The following QTGAL variants were observed in gnomAD, a reference collection of about 807,000 sequenced individuals.
QTGAL encodes the protein BGnT-like protein 1.
At chr17:83,020,591 C>T in the QTGAL span, among the ~76,000 whole-genome samples, 1 of 152,362 alleles carries the variant, frequency 6.6e-6, no homozygotes, top group East Asian at 1.9e-4. Flanking sequence ...ACGATGGGGC[C>T]TTGGGGCCCA....
chr17:82,998,988 G>C, the QTGAL span, among the ~76,000 whole-genome samples: 12 of 149,940 alleles, frequency 8.0e-5, no homozygotes, highest in Non-Finnish European at 7.4e-5. Flanking sequence ...ATCATATCAA[G>C]AGTTGGCAAG....
the QTGAL span, among the ~76,000 whole-genome samples, chr17:82,987,838 T>G: frequency 1.3e-5 from 2 of 152,248 alleles, no homozygotes; most frequent in East Asian, 3.8e-4. Context: ...GGGAATAGCA[T>G]TGAATCTATA....
chr17:83,025,232 C>T, the QTGAL span, among the ~76,000 whole-genome samples: 1 of 45,328 alleles, frequency 2.2e-5, no homozygotes, highest in African/African-American at 9.1e-5. Context: ...CACACACACA[C>T]GGACACCGCG....
chr17:83,045,096 G>A, the QTGAL span, among the ~76,000 whole-genome samples: 1 of 152,164 alleles, frequency 6.6e-6, no homozygotes, highest in East Asian at 1.9e-4. Context: ...ATAATTGTAG[G>A]ATACAAGGTC....
At chr17:83,040,289 A>G in the QTGAL span, among the ~76,000 whole-genome samples, 1 of 152,166 alleles carries the variant, frequency 6.6e-6, no homozygotes, top group African/African-American at 2.4e-5. Flanking sequence ...GACTCCTAAA[A>G]TCTGTAGGAA....
At chr17:83,026,124 G>T in the QTGAL span, among the ~76,000 whole-genome samples, 1 of 152,226 alleles carries the variant, frequency 6.6e-6, no homozygotes. Context: ...CCGTGACCAG[G>T]AAGTGCAAAT....
chr17:82,967,367 G>A, the QTGAL span, among the ~76,000 whole-genome samples: 3 of 152,126 alleles, frequency 2.0e-5, no homozygotes, highest in Non-Finnish European at 4.4e-5. Context: ...GAGAACCATC[G>A]TGTAACACAG....
chr17:83,017,758 C>T, the QTGAL span, among the ~76,000 whole-genome samples: 4 of 152,318 alleles, frequency 2.6e-5, no homozygotes, highest in South Asian at 2.1e-4. Context: ...ACATGTGCTC[C>T]GTGAACATGG....
chr17:83,045,470 T>C, the QTGAL span, among the ~76,000 whole-genome samples: 3 of 152,232 alleles, frequency 2.0e-5, no homozygotes, highest in Non-Finnish European at 4.4e-5. Context: ...GCTACAAGTA[T>C]AATTCTGAAG....
At chr17:83,049,935 A>G in the QTGAL span, among the ~76,000 whole-genome samples, 1 of 152,232 alleles carries the variant, frequency 6.6e-6, no homozygotes, top group African/African-American at 2.4e-5. Flanking sequence ...ATACGGAGCG[A>G]TACTTAAGAG....
chr17:83,024,860 C>T, the QTGAL span, among the ~76,000 whole-genome samples: 12 of 152,346 alleles, frequency 7.9e-5, no homozygotes, highest in South Asian at 2.1e-4. Context: ...GGGTGCAAAG[C>T]GCTCCAACTC....
the QTGAL span, chr17:83,048,822 A>G: frequency 6.4e-7 from 1 of 1,566,934 alleles, no homozygotes; most frequent in Non-Finnish European, 8.8e-7. Context: ...AGAAGTGTGA[A>G]AACTTAGTTC....
At chr17:82,996,587 T>G in the QTGAL span, among the ~76,000 whole-genome samples, 1 of 149,386 alleles carries the variant, frequency 6.7e-6, no homozygotes, top group African/African-American at 2.5e-5. Flanking sequence ...AGAACCAGAA[T>G]AGCCCCAGCT....
At chr17:83,001,838 T>C in the QTGAL span, among the ~76,000 whole-genome samples, 63 of 152,358 alleles carry the variant, frequency 4.1e-4, no homozygotes, top group Non-Finnish European at 7.5e-4. Flanking sequence ...GGTACAATCA[T>C]GGCTCATGGT....
chr17:82,986,587 T>C, the QTGAL span, among the ~76,000 whole-genome samples: 1 of 152,246 alleles, frequency 6.6e-6, no homozygotes, highest in South Asian at 2.1e-4. Context: ...CAGGATGTTA[T>C]GGAATAGAAC....
chr17:83,050,844 G>A, the QTGAL span, among the ~76,000 whole-genome samples: 26 of 152,050 alleles, frequency 1.7e-4, no homozygotes, highest in Non-Finnish European at 3.4e-4. Flanking sequence ...TGCGCAGGCA[G>A]GTGTGCACGG....
chr17:82,957,644 T>A, the QTGAL span: 2 of 1,139,166 alleles, frequency 1.8e-6, no homozygotes, highest in Non-Finnish European at 2.4e-6. Flanking sequence ...TGTCCTACAG[T>A]CAGGCCACCT....
chr17:83,034,936 A>G, the QTGAL span: 1 of 1,023,056 alleles, frequency 9.8e-7, no homozygotes, highest in South Asian at 1.4e-5. Flanking sequence ...TAACCATTAG[A>G]AAAATGATTT....
At chr17:82,998,569 C>T in the QTGAL span, among the ~76,000 whole-genome samples, 1,847 of 152,218 alleles carry the variant, frequency 0.012, 43 homozygotes, top group African/African-American at 0.042. Flanking sequence ...ATGGTCTCAA[C>T]TGCCTGACCT....
Sources: gnomAD v4.1 joint callset for allele counts (sites outside exome capture counted in the v4.1 genomes callset) on GRCh38, gnomAD v4.1.1 for gene constraint, MANE v1.5 for transcripts, NCBI Gene and HGNC (gene_info 2026-07-23, HGNC 2026-07-21) for gene names.